Variants in SBNO2 observed in about 807,000 individuals in gnomAD.
SBNO2 encodes the protein protein strawberry notch homolog 2.
Under a neutral mutation model 146.3 loss-of-function variants are expected in SBNO2, and 89 were observed. The ratio of observed to expected loss-of-function variants is 0.61; its 90% CI spans 0.51 to 0.73. SBNO2 has a LOEUF of 0.73. SBNO2 is among the 30% of genes least tolerant of loss of function. The pLI is 0.00. For missense variants in SBNO2, 2,092 were observed against 2,003.7 expected (o/e 1.04, Z -0.84); for synonymous variants, 1,147 against 892.6 (o/e 1.29, Z -5.08).
intron 4 of SBNO2, among the ~76,000 whole-genome samples, chr19:1,131,418 GC>G (rs1315488895): frequency 3.2e-5 from 2 of 63,388 alleles, no homozygotes. Flanking sequence ...GAGGTGGGGA[GC>G]TGGGAGGACC....
chr19:1,114,555 G>A (rs1015936845), intron 17 of SBNO2, 133 bp from the exon 18 acceptor site: 3 of 710,588 alleles, frequency 4.2e-6, no homozygotes, highest in East Asian at 3.1e-5. Context: ...CCTGCCTCTG[G>A]GCAAGCAGCT....
intron 2 of SBNO2, among the ~76,000 whole-genome samples, chr19:1,152,284 C>T (rs1568623414): frequency 6.6e-6 from 1 of 152,220 alleles, no homozygotes; most frequent in Admixed American, 6.5e-5. Flanking sequence ...TCTCCACATC[C>T]CATAATTCGC....
intron 2 of SBNO2, among the ~76,000 whole-genome samples, chr19:1,153,976 T>C (rs1041206910): frequency 6.6e-6 from 1 of 152,194 alleles, no homozygotes; most frequent in Non-Finnish European, 1.5e-5. Context: ...GCTGGGGCCA[T>C]GAGTAGCCTC....
At chr19:1,139,663 C>T (rs1478605943) in intron 4 of SBNO2, among the ~76,000 whole-genome samples, 4 of 152,190 alleles carry the variant, frequency 2.6e-5, no homozygotes, top group Admixed American at 2.6e-4. Flanking sequence ...GGCGCGGTGG[C>T]GCACACCTGT....
intron 1 of SBNO2, among the ~76,000 whole-genome samples, chr19:1,172,493 CA>C (rs1453702584): frequency 6.6e-6 from 1 of 152,188 alleles, no homozygotes; most frequent in Non-Finnish European, 1.5e-5. Context: ...GGGCCTGCCA[CA>C]AACTCTCTGG....
Position 1,140,490 on chromosome 19 carries a change from C to T in SBNO2, c.279+6819G>A, listed in dbSNP as rs930028069. On this transcript the variant is annotated intron_variant, in intron 4 of 31. Coordinates refer to ENST00000361757, the MANE Select transcript of SBNO2 (RefSeq NM_014963.3). This position sits in a 1 kb window ranked among gnomAD's most constrained non-coding sequence, Gnocchi z 4.4. ...AGCAGAAGTGAGGGGGGCCCTTCCTCCGGGCCAGGGTGGCTGGAGGGCCGG... is the reference window on the plus strand; with the variant it reads ...AGCAGAAGTGAGGGGGGCCCTTCCTTCGGGCCAGGGTGGCTGGAGGGCCGG... 1.3e-4 allele frequency among the ~76,000 whole-genome samples: 20 copies of T among 152,148 alleles called. No individual in the cohort carries two copies. The highest frequency in any genetic ancestry group is 2.5e-4 in the Non-Finnish European group (17 of 68,020).
intron 1 of SBNO2, among the ~76,000 whole-genome samples, chr19:1,170,198 C>T (rs1345353479): frequency 1.3e-5 from 2 of 152,216 alleles, no homozygotes; most frequent in African/African-American, 4.8e-5. Flanking sequence ...GCTGATGGGG[C>T]CCACGCATCC....
rs1238052102 is a variant in SBNO2, at chr19:1,108,780, C to T, written c.3615G>A (p.Val1205=). Residue 1205 remains valine, a splice_region_variant and synonymous_variant, in exon 31 of 32, where the codon GTG becomes GTA. Coordinates refer to ENST00000361757, the MANE Select transcript of SBNO2 (RefSeq NM_014963.3). The stretch of plus-strand genomic sequence containing the variant: ...CCGGGGCGCCCGCCGCCCACTCACC[C>T]ACTTGCTTCTTCCTGTCCTTGGTCT... ...RLKTKDRKKQ[V]GIKIPEGCVR... is the part of the protein sequence containing the mutation. The T allele has an allele frequency of 1.9e-6, 3 of 1,602,532 alleles. No individual in the cohort carries two copies. The highest frequency in any genetic ancestry group is 2.2e-5 in the East Asian group (1 of 44,800).
At chr19:1,133,161 A>G (rs1454012172) in intron 4 of SBNO2, among the ~76,000 whole-genome samples, 1 of 151,896 alleles carries the variant, frequency 6.6e-6, no homozygotes, top group African/African-American at 2.4e-5. Context: ...CGGGCTGTGG[A>G]GAGGACGGGC....
rs1294907024 is a variant in SBNO2 at position 1,126,749 on chromosome 19, C to A, written c.441+855G>T. Among the ~76,000 whole-genome samples, 1 of 152,222 alleles carries A rather than the reference C, an allele frequency of 6.6e-6. No homozygotes were observed. The highest frequency in any genetic ancestry group is 1.5e-5 in the Non-Finnish European group (1 of 68,024). On this transcript the variant is annotated intron_variant, in intron 5 of 31. Transcript: ENST00000361757. This position sits in a 1 kb window ranked among gnomAD's most constrained non-coding sequence, Gnocchi z 4.4. ...TGGCATGGGCCCTCACCGGAAGGCG[C>A]TCAGTCCCAGAGACATGTCCAACGT...
At chr19:1,168,433 C>T (rs1482081010) in intron 1 of SBNO2, among the ~76,000 whole-genome samples, 2 of 152,164 alleles carry the variant, frequency 1.3e-5, no homozygotes, top group Non-Finnish European at 2.9e-5. Flanking sequence ...GGGCCCCTGC[C>T]CCACCAGTGA....
chr19:1,123,624 T>C lies in SBNO2; in HGVS notation c.538A>G (p.Ser180Gly). 1 of 1,612,612 alleles carries C rather than the reference T, an allele frequency of 6.2e-7. No individual in the cohort carries two copies. Among genetic ancestry groups the C allele is most frequent in the Middle Eastern group, 1.7e-4 (1 of 6,054 alleles). The change falls in exon 7 of 32, where the codon AGC (serine) becomes GGC (glycine). Residue 180 changes from serine to glycine, a missense_variant. Ser to Gly is a moderately conservative substitution (Grantham distance 56). Coordinates refer to ENST00000361757, the MANE Select transcript of SBNO2 (RefSeq NM_014963.3). ...GCCTCGTCCTCCTCCTCTGGCTGGC[T>C]CTGCACACTCTGCTCCTGCGTGCGT... is the stretch of plus-strand genomic sequence containing the variant. ...LVSYQEQSVQ[S>G]QPEEEDEAEE...
rs1292607551 is a variant in SBNO2, at chr19:1,140,598, AGGGGTG to A, written c.279+6705_279+6710del. Among the ~76,000 whole-genome samples the A allele has an allele frequency of 1.5e-5, 2 of 132,354 alleles. No homozygotes were observed. Among genetic ancestry groups the A allele is most frequent in the Non-Finnish European group, 3.4e-5 (2 of 59,558 alleles). The allele number at this position is 132,354 out of a possible 152,430, so 86.8% of individuals were successfully genotyped here. A position where few individuals can be genotyped will look rare whatever the true frequency, so the allele number is the denominator to read the frequency against. ...GGCATCCTGGCGCAGCGTGAGCCCCAGGGGTGGGGGTGGGGGTGGCCAGGGAGCAGG... is the reference window on the plus strand; with the variant it reads ...GGCATCCTGGCGCAGCGTGAGCCCCAGGGGTGGGGGTGGCCAGGGAGCAGG... On this transcript the variant is annotated intron_variant, in intron 4 of 31. Coordinates refer to ENST00000361757, the MANE Select transcript of SBNO2 (RefSeq NM_014963.3). The surrounding 1 kb of genome is among the most constrained non-coding windows in gnomAD (Gnocchi z 4.4).
rs969135276 is a variant in SBNO2, at chr19:1,112,205, T to C, written c.2612A>G (p.Lys871Arg). The change falls in exon 22 of 32, where the codon AAG becomes AGG. Residue 871 changes from lysine to arginine, a missense_variant. Physicochemically the swap from Lys to Arg is conservative, Grantham distance 26 (BLOSUM62 2). Coordinates refer to ENST00000361757, the MANE Select transcript of SBNO2 (RefSeq NM_014963.3). The surrounding 1 kb of genome is among the most constrained non-coding windows in gnomAD (Gnocchi z 5.9). ...CCTGCTCACCAGACTCTCCAGGCGCTTGGCCACGATGGAGGCGAACCGGCG... is the reference window on the plus strand; with the variant it reads ...CCTGCTCACCAGACTCTCCAGGCGCCTGGCCACGATGGAGGCGAACCGGCG... ...GERRFASIVA[K>R]RLESLGALTH... The C allele has an allele frequency of 3.1e-6, 5 of 1,589,134 alleles. No individual in the cohort carries two copies. In the African/African-American group the frequency reaches 4.0e-5, roughly 13 times the overall value.
intron 4 of SBNO2, 120 bp downstream of exon 4, chr19:1,147,189 G>C: frequency 1.5e-6 from 1 of 667,166 alleles, no homozygotes; most frequent in Admixed American, 3.5e-5. Flanking sequence ...CGGCCGAGGG[G>C]CCAAGCCGAG....
chr19:1,147,525 C>T (rs2080204475), intron 3 of SBNO2, 105 bp from the exon 4 acceptor site: 1 of 625,994 alleles, frequency 1.6e-6, no homozygotes, highest in Non-Finnish European at 2.6e-6. Context: ...CTCGAGGCCC[C>T]ACTGGAGTGT....
intron 1 of SBNO2, among the ~76,000 whole-genome samples, chr19:1,165,752 A>G (rs1479578727): frequency 3.1e-5 from 2 of 64,582 alleles, no homozygotes; most frequent in East Asian, 1.6e-3. Context: ...CCCAGATCTC[A>G]GACCCCAGAC....
At chr19:1,114,518 G>T in intron 17 of SBNO2, 96 bp from the exon 18 acceptor site, 1 of 1,061,262 alleles carries the variant, frequency 9.4e-7, no homozygotes, top group Non-Finnish European at 1.3e-6. Flanking sequence ...CCAGTGGTCC[G>T]AGCTGGGGAG....
Position 1,109,378 on chromosome 19 carries a change from C to A in SBNO2, c.3262G>T (p.Gly1088Cys). ...GGCTTGTACACCGTGAAGAACTGGC[C>A]GCGGTTCTGCTCCGCCAGCAGGCAG... ...PSCLLAEQNR[G>C]QFFTVYKPNI... Residue 1088 changes from glycine (G) to cysteine (C), a missense_variant, in exon 29 of 32, where the codon GGC (glycine) becomes TGC (cysteine). Coordinates refer to ENST00000361757, the MANE Select transcript of SBNO2 (RefSeq NM_014963.3). The surrounding 1 kb of genome is among the most constrained non-coding windows in gnomAD (Gnocchi z 4.2). 6.3e-7 allele frequency: 1 copy of A among 1,575,680 alleles called. No individual in the cohort carries two copies. Among genetic ancestry groups the A allele is most frequent in the East Asian group, 2.3e-5 (1 of 42,694 alleles).
Sources: gnomAD v4.1 joint callset for allele counts (sites outside exome capture counted in the v4.1 genomes callset) on GRCh38, gnomAD v4.1.1 for gene constraint, Gnocchi (gnomAD v3.1) non-coding constraint, MANE v1.5 for transcripts, NCBI Gene and HGNC (gene_info 2026-07-23, HGNC 2026-07-21) for gene names.